The following KDM5B variants were observed in gnomAD, a reference collection of about 807,000 sequenced individuals.
The protein encoded by KDM5B is lysine demethylase 5B.
In KDM5B, 144 loss-of-function variants were observed where a neutral mutation model predicts 193.4. The ratio of observed to expected loss-of-function variants is 0.74; its 90% confidence interval spans 0.65 to 0.86. The LOEUF (loss-of-function observed/expected upper bound fraction) is 0.86. KDM5B is among the 40% of genes least tolerant of loss of function. KDM5B has a pLI of 0.00. For missense variants in KDM5B, 1,833 were observed against 1,886.9 expected, an observed-to-expected ratio of 0.97 and a Z score of 0.53; for synonymous variants, 668 against 682.6, an observed-to-expected ratio of 0.98 and a Z score of 0.33.
intron 8 of KDM5B, chr1:202,758,796 T>C: frequency 4.4e-6 from 1 of 226,792 alleles, no homozygotes; most frequent in Non-Finnish European, 8.7e-6. Flanking sequence ...TCGACTTCCT[T>C]CAAAATCAAA....
At chr1:202,804,733 G>A (rs953283074) in intron 1 of KDM5B, among the ~76,000 whole-genome samples, 1 of 152,032 alleles carries the variant, frequency 6.6e-6, no homozygotes, top group African/African-American at 2.4e-5. Flanking sequence ...ATCTAGGCCC[G>A]GCACGGTGGC....
chr1:202,765,725 TTATC>T (rs1656428930), intron 5 of KDM5B, among the ~76,000 whole-genome samples: 1 of 152,224 alleles, frequency 6.6e-6, no homozygotes, highest in Non-Finnish European at 1.5e-5. Context: ...ATTCTCTTAT[TTATC>T]TATTTCTTCA....
intron 1 of KDM5B, among the ~76,000 whole-genome samples, chr1:202,787,603 G>A (rs1371280677): frequency 1.3e-5 from 2 of 151,914 alleles, no homozygotes; most frequent in Admixed American, 6.6e-5. Flanking sequence ...AGTATGTGAA[G>A]TAGGCCGGGT....
intron 14 of KDM5B, among the ~76,000 whole-genome samples, chr1:202,746,959 A>G (rs1655583871): frequency 6.6e-6 from 1 of 152,206 alleles, no homozygotes; most frequent in African/African-American, 2.4e-5. Flanking sequence ...GTAAATTTCA[A>G]CATAATCTGT....
rs1654676260 is a variant in KDM5B, at chr1:202,726,437, CA to C, written c.*2598del. 1 of 152,160 alleles carries C rather than the reference CA, an allele frequency of 6.6e-6. No homozygotes were observed. The allele number at this position is 152,160 out of a possible 1,614,324, so 9.4% of individuals were successfully genotyped here. On this transcript the variant is annotated 3_prime_UTR_variant, in exon 27 of 27. Transcript: ENST00000367265. ...CCTTTATTCTATATAAGAAATCCCC[CA>C]AAGTCTAATCTGGAAGGAAAAACAA... is the stretch of plus-strand genomic sequence containing the variant.
Position 202,755,465 on chromosome 1 carries a change from A to G in KDM5B, c.1357-13T>C. Reference sequence around the variant, plus strand: ...TATCAAGATACTCCTAAAAATAAGAAGACAAAAGAGGATAAAGGTTTAGCT... The same window carrying G: ...TATCAAGATACTCCTAAAAATAAGAGGACAAAAGAGGATAAAGGTTTAGCT... On this transcript the variant is annotated splice_polypyrimidine_tract_variant and intron_variant, in intron 10 of 26. Coordinates refer to ENST00000367265, the MANE Select transcript of KDM5B (RefSeq NM_006618.5). 6.3e-7 allele frequency: 1 copy of G among 1,599,686 alleles called. No individual in the cohort carries two copies. Among genetic ancestry groups the G allele is most frequent in the Non-Finnish European group, 8.6e-7 (1 of 1,168,450 alleles).
intron 1 of KDM5B, among the ~76,000 whole-genome samples, chr1:202,804,781 G>A (rs1239818064): frequency 6.6e-6 from 1 of 150,602 alleles, no homozygotes; most frequent in African/African-American, 2.4e-5. Flanking sequence ...AGGCCGAGGC[G>A]CATGGATCAC....
chr1:202,805,069 T>G (rs868245098), intron 1 of KDM5B, among the ~76,000 whole-genome samples: 1 of 152,166 alleles, frequency 6.6e-6, no homozygotes, highest in Non-Finnish European at 1.5e-5. Context: ...CACAAAGTGA[T>G]ATGGAAAAAT....
In KDM5B at chr1:202,774,639, T is replaced by C. The variant is rs757912081; in HGVS notation, c.379A>G (p.Ile127Val). The C allele has an allele frequency of 7.4e-6, 12 of 1,612,584 alleles. No homozygotes were observed. The African/African-American group carries it at 1.3e-4, about 18-fold the overall frequency. The part of the protein sequence containing the change: ...TLKIPHVERK[I>V]LDLFQLNKLV... ...TTATTAAGCTGAAATAAGTCCAAGA[T>C]CTTCCTCTCCACATGTGGAATTTTC... The change falls in exon 3 of 27, where the codon ATC (isoleucine) becomes GTC (valine). Residue 127 changes from isoleucine to valine, a missense_variant. Physicochemically the swap from Ile to Val is conservative, Grantham distance 29. Coordinates refer to ENST00000367265, the MANE Select transcript of KDM5B (RefSeq NM_006618.5).
intron 13 of KDM5B, 30 bp from the exon 14 acceptor site, chr1:202,749,169 AC>A (rs1388389201): frequency 6.3e-7 from 1 of 1,581,628 alleles, no homozygotes; most frequent in Admixed American, 1.8e-5. Flanking sequence ...GAAAAAAATA[AC>A]ATTCATCTTT....
At chr1:202,751,317 T>A (rs990494246) in intron 12 of KDM5B, among the ~76,000 whole-genome samples, 1 of 152,156 alleles carries the variant, frequency 6.6e-6, no homozygotes, top group Non-Finnish European at 1.5e-5. Context: ...AGCATCTACA[T>A]TTCTACACCA....
At position 202,777,047 on chromosome 1, in the gene KDM5B, C is replaced by T. The variant is rs760438429; in HGVS notation, c.252G>A (p.Thr84=). The T allele has an allele frequency of 5.6e-6, 9 of 1,613,238 alleles. No homozygotes were observed. The highest frequency in any genetic ancestry group is 2.2e-5 in the East Asian group (1 of 44,838). The part of the protein sequence containing the change: ...FACDVDKLHF[T]PRIQRLNELE... ...ATTCATTCAGTCTCTGGATACGTGG[C>T]GTAAAATGAAGTTTATCAACATCAC... The change falls in exon 2 of 27, where the codon ACG becomes ACA. Residue 84 remains threonine (T), a synonymous_variant. Transcript: ENST00000367265.
chr1:202,785,009 C>CAAAAAAA (rs11445160), intron 1 of KDM5B, among the ~76,000 whole-genome samples: 1 of 89,410 alleles, frequency 1.1e-5, no homozygotes. Context: ...GAGCCTGTCT[C>CAAAAAAA]AAAAAAAAAA....
chr1:202,755,206 C>T (rs1655958838), intron 11 of KDM5B, 65 bp downstream of exon 11: 1 of 1,313,454 alleles, frequency 7.6e-7, no homozygotes, highest in Non-Finnish European at 1.1e-6. Context: ...CACATCTGCA[C>T]TGAAAAGGAA....
intron 2 of KDM5B, among the ~76,000 whole-genome samples, chr1:202,775,238 AAAT>A (rs952042890): frequency 6.6e-6 from 1 of 151,678 alleles, no homozygotes; most frequent in Non-Finnish European, 1.5e-5. Context: ...CTCTGTCTCA[AAAT>A]AATAATAATT....
rs1029939031 is a variant in KDM5B, at chr1:202,771,386, C to T, written c.576+1732G>A. Among the ~76,000 whole-genome samples the T allele has an allele frequency of 2.9e-5, 4 of 139,328 alleles. No individual in the cohort carries two copies. In the Admixed American group the frequency reaches 3.2e-4, roughly 11 times the overall value. The allele number at this position is 139,328 out of a possible 152,430, so 91.4% of individuals were successfully genotyped here. A position where few individuals can be genotyped will look rare whatever the true frequency, so the allele number is the denominator to read the frequency against. ...AGCTGAGATTACAAGTGCCTGCCAC[C>T]ACATCCAGCTAATTTTTTTTTTTTT... On this transcript the variant is annotated intron_variant, in intron 4 of 26. Coordinates refer to ENST00000367265, the MANE Select transcript of KDM5B (RefSeq NM_006618.5).
chr1:202,795,392 C>G (rs1034508238), intron 1 of KDM5B, among the ~76,000 whole-genome samples: 4 of 152,036 alleles, frequency 2.6e-5, no homozygotes, highest in African/African-American at 7.2e-5. Flanking sequence ...TGGCTCACAC[C>G]TGCAATCTCA....
At chr1:202,752,860 TG>T in intron 12 of KDM5B, 44 bp downstream of exon 12, 1 of 1,531,460 alleles carries the variant, frequency 6.5e-7, no homozygotes, top group Non-Finnish European at 8.9e-7. Flanking sequence ...AAAAGAGAAG[TG>T]GTGAATTAAG....
chr1:202,746,938 G>A (rs1385822912), intron 14 of KDM5B, among the ~76,000 whole-genome samples: 1 of 152,144 alleles, frequency 6.6e-6, no homozygotes, highest in Non-Finnish European at 1.5e-5. Context: ...GAAAAATAAG[G>A]TCTTGAACCA....
Sources: gnomAD v4.1 joint callset for allele counts (sites outside exome capture counted in the v4.1 genomes callset) on GRCh38, gnomAD v4.1.1 for gene constraint, MANE v1.5 for transcripts, NCBI Gene and HGNC (gene_info 2026-07-23, HGNC 2026-07-21) for gene names.